MMP20: variants seen among roughly 807,000 people sequenced by gnomAD.
MMP20 encodes matrix metalloproteinase-20.
In MMP20, 50 loss-of-function variants were observed where a neutral mutation model predicts 51.8. The ratio of observed to expected loss-of-function variants is 0.97; its 90% CI spans 0.77 to 1.22. The LOEUF is 1.22. MMP20 is among the 50% of genes most tolerant of loss of function. The probability of loss-of-function intolerance (pLI) is 0.00; values close to 1 mark genes in which losing one functional copy is unlikely to be tolerated. For missense variants in MMP20, 663 were observed against 601.4 expected, an observed-to-expected ratio of 1.10 and a Z score of -1.07; for synonymous variants, 244 against 216.2, an observed-to-expected ratio of 1.13 and a Z score of -1.13.
At position 102,625,187 on chromosome 11, in the gene MMP20, C is replaced by G. The variant is rs996156135; in HGVS notation, c.126+7G>C. ...AGCAAGAAGGAATTGGGCAAAAATT[C>G]ACAAACCTGTGCGAGGCGGTAGTTG... is the stretch of plus-strand genomic sequence containing the variant. On this transcript the variant is annotated splice_region_variant and intron_variant, in intron 1 of 9. Coordinates refer to ENST00000260228, the MANE Select transcript of MMP20 (RefSeq NM_004771.4). 3.7e-6 allele frequency: 6 copies of G among 1,613,490 alleles called. No individual in the cohort carries two copies. In the African/African-American group the frequency reaches 5.3e-5, roughly 14 times the overall value.
In MMP20 at chr11:102,582,411, G is replaced by A. The variant is rs78512915; in HGVS notation, c.1248-3269C>T. 4.2e-3 allele frequency among the ~76,000 whole-genome samples: 647 copies of A among 152,324 alleles called. 2 individuals carry two copies. The highest frequency in any genetic ancestry group is 7.0e-3 in the Non-Finnish European group (473 of 68,028). ...AAGGTTTCTAAGATGGTTTCAGGAAGTTTTCTCAAGGTGACCTTTCCAGTG... is the reference window on the plus strand; with the variant it reads ...AAGGTTTCTAAGATGGTTTCAGGAAATTTTCTCAAGGTGACCTTTCCAGTG... On this transcript the variant is annotated intron_variant, in intron 8 of 9. Transcript: ENST00000260228.
chr11:102,621,057 C>T (rs1859744317), intron 1 of MMP20, among the ~76,000 whole-genome samples: 1 of 152,202 alleles, frequency 6.6e-6, no homozygotes, highest in African/African-American at 2.4e-5. Flanking sequence ...TTAACTCTTT[C>T]TCTCTCTGGG....
In MMP20 at chr11:102,609,953, C is replaced by T; in HGVS notation, c.601G>A (p.Gly201Arg). Residue 201 changes from glycine (G) to arginine (R), a missense_variant, in exon 4 of 10, where the codon GGA (glycine) becomes AGA (arginine). Coordinates refer to ENST00000260228, the MANE Select transcript of MMP20 (RefSeq NM_004771.4). ...HAFAPGEGLG[G>R]DTHFDNAEKW... ...TCAGCATTGTCGAAATGTGTATCTC[C>T]TCCCAGGCCTTCTCCAGGAGCAAAT... 1 of 1,614,156 alleles carries T rather than the reference C, an allele frequency of 6.2e-7. No homozygotes were observed. The highest frequency in any genetic ancestry group is 8.5e-7 in the Non-Finnish European group (1 of 1,180,014).
chr11:102,595,158 C>T (rs901638705), intron 6 of MMP20, among the ~76,000 whole-genome samples: 78 of 152,216 alleles, frequency 5.1e-4, no homozygotes, highest in African/African-American at 1.9e-3. Context: ...AACTCCTGAC[C>T]TCAAGTGACC....
At chr11:102,601,045 T>C (rs971886904) in intron 6 of MMP20, among the ~76,000 whole-genome samples, 1 of 151,940 alleles carries the variant, frequency 6.6e-6, no homozygotes, top group Admixed American at 6.6e-5. Flanking sequence ...AATGACAGTA[T>C]GGATTAAATG....
At chr11:102,594,590 C>T in intron 7 of MMP20, 31 bp downstream of exon 7, 1 of 1,612,608 alleles carries the variant, frequency 6.2e-7, no homozygotes, top group South Asian at 1.1e-5. Flanking sequence ...GCAGCCCTGC[C>T]ATTTCTTTCT....
At chr11:102,596,154 T>A (rs891973440) in intron 6 of MMP20, among the ~76,000 whole-genome samples, 4 of 152,170 alleles carry the variant, frequency 2.6e-5, no homozygotes, top group Non-Finnish European at 5.9e-5. Context: ...AAGAGTTAAG[T>A]TCAGGATACT....
intron 2 of MMP20, among the ~76,000 whole-genome samples, chr11:102,614,637 A>G (rs565810070): frequency 1.4e-4 from 21 of 152,002 alleles, no homozygotes; most frequent in African/African-American, 4.6e-4. Context: ...TTCTCCCCCA[A>G]TTGCTTTGTT....
At chr11:102,602,172 G>T (rs1859456649) in intron 6 of MMP20, among the ~76,000 whole-genome samples, 3 of 126,916 alleles carry the variant, frequency 2.4e-5, no homozygotes, top group Admixed American at 8.8e-5. Context: ...GTTTCACCAT[G>T]TTAGCCAGGA....
chr11:102,610,087 G>A, intron 3 of MMP20, 57 bp from the exon 4 acceptor site: 1 of 1,596,548 alleles, frequency 6.3e-7, no homozygotes, highest in Non-Finnish European at 8.6e-7. Context: ...ATTCTGAGGG[G>A]CGCATCATAT....
intron 8 of MMP20, among the ~76,000 whole-genome samples, chr11:102,591,519 C>T (rs1047251513): frequency 1.3e-5 from 2 of 151,706 alleles, no homozygotes; most frequent in African/African-American, 4.9e-5. Context: ...CTATGCAGAC[C>T]TTGCTAGGTA....
At chr11:102,603,088 C>T (rs1010186788) in intron 6 of MMP20, among the ~76,000 whole-genome samples, 1 of 152,194 alleles carries the variant, frequency 6.6e-6, no homozygotes, top group African/African-American at 2.4e-5. Flanking sequence ...GAATATCTGA[C>T]AAATCTCACG....
intron 6 of MMP20, 143 bp from the exon 7 acceptor site, chr11:102,594,900 T>C (rs1859363552): frequency 1.0e-6 from 1 of 989,362 alleles, no homozygotes. Flanking sequence ...TTGTTTTTTT[T>C]CTCTTTTCTT....
At chr11:102,612,089 G>A (rs866124243) in intron 2 of MMP20, among the ~76,000 whole-genome samples, 186 bp from the exon 3 acceptor site, 5 of 152,136 alleles carry the variant, frequency 3.3e-5, no homozygotes, top group Admixed American at 3.3e-4. Flanking sequence ...CAAATGAAAG[G>A]GAGAGATGAG....
chr11:102,616,605 C>A (rs1233927219), intron 2 of MMP20, among the ~76,000 whole-genome samples: 1 of 152,120 alleles, frequency 6.6e-6, no homozygotes, highest in African/African-American at 2.4e-5. Flanking sequence ...CCTAAAATAG[C>A]CAGTCATTAT....
chr11:102,606,584 A>G lies in MMP20; in HGVS notation c.904T>C (p.Phe302Leu), dbSNP rs1859520056. The G allele has an allele frequency of 6.2e-7, 1 of 1,613,988 alleles. No individual in the cohort carries two copies. The highest frequency in any genetic ancestry group is 1.3e-5 in the African/African-American group (1 of 74,928). Residue 302 changes from phenylalanine (F) to leucine (L), a missense_variant, in exon 6 of 10, where the codon TTT (phenylalanine) becomes CTT (leucine). Transcript: ENST00000260228. ...IPDLCDSSSSFDAVTMLGKEL... is the reference protein window; with the variant it reads ...IPDLCDSSSSLDAVTMLGKEL... Reference sequence around the variant, plus strand: ...TTCCCCAGCATTGTCACAGCGTCAAAGGATGAGCTGGAGTCACAGAGGTCA... The same window carrying G: ...TTCCCCAGCATTGTCACAGCGTCAAGGGATGAGCTGGAGTCACAGAGGTCA...
intron 9 of MMP20, among the ~76,000 whole-genome samples, chr11:102,577,854 T>A (rs1040939035): frequency 2.6e-5 from 4 of 152,218 alleles, no homozygotes; most frequent in African/African-American, 9.6e-5. Context: ...GCAATTATTG[T>A]GCAGTCTACC....
At position 102,577,269 on chromosome 11, in the gene MMP20, C is replaced by A. The variant is rs1011972062; in HGVS notation, c.*57G>T. 11 of 1,171,182 alleles carry A rather than the reference C, an allele frequency of 9.4e-6. No individual in the cohort carries two copies. The highest frequency in any genetic ancestry group is 1.4e-5 in the Non-Finnish European group (11 of 777,024). 72.5% of individuals were successfully genotyped at this position (1,171,182 alleles called of 1,614,324 possible). A position where few individuals can be genotyped will look rare whatever the true frequency, so the allele number is the denominator to read the frequency against. On this transcript the variant is annotated 3_prime_UTR_variant, in exon 10 of 10. Transcript: ENST00000260228. Reference sequence around the variant, plus strand: ...TACATTCTGCTTTAGTCCTTAAGATCCAGTTAGAGGCTGCTTGTAGTCATC... The same window carrying A: ...TACATTCTGCTTTAGTCCTTAAGATACAGTTAGAGGCTGCTTGTAGTCATC...
intron 8 of MMP20, among the ~76,000 whole-genome samples, chr11:102,584,286 C>T (rs368175975): frequency 6.6e-6 from 1 of 152,154 alleles, no homozygotes; most frequent in South Asian, 2.1e-4. Flanking sequence ...TTCTCACCAA[C>T]ACTTATTATT....
Sources: allele counts gnomAD v4.1 joint callset (sites outside exome capture counted in the v4.1 genomes callset), GRCh38; gene constraint gnomAD v4.1.1; transcripts MANE v1.5; gene names NCBI Gene and HGNC (gene_info 2026-07-23, HGNC 2026-07-21).